The following CACNA1H variants were observed in gnomAD, a reference collection of about 807,000 sequenced individuals.
The protein encoded by CACNA1H is calcium voltage-gated channel subunit alpha1 H.
Under a neutral mutation model 192.5 loss-of-function variants are expected in CACNA1H, and 149 were observed. The ratio of observed to expected loss-of-function variants is 0.77; its 90% confidence interval spans 0.68 to 0.89. The LOEUF is 0.89. Among genes scored for constraint, CACNA1H ranks in the 40% least tolerant of loss-of-function variants. CACNA1H has a pLI of 0.00. For missense variants in CACNA1H, 4,257 were observed against 3,423.5 expected (o/e 1.24, Z -6.08); for synonymous variants, 2,202 against 1,475.2 (o/e 1.49, Z -11.29).
At chr16:1,202,525 A>G (rs963704632) in intron 9 of CACNA1H, 73 bp downstream of exon 9, 12 of 1,315,594 alleles carry the variant, frequency 9.1e-6, no homozygotes, top group East Asian at 2.6e-5. Flanking sequence ...CCGGTGTGTC[A>G]TTCCCACACC....
intron 3 of CACNA1H, 117 bp from the exon 4 acceptor site, chr16:1,195,315 C>CG (rs1220105870): frequency 2.0e-6 from 2 of 1,008,330 alleles, no homozygotes; most frequent in African/African-American, 7.9e-5. Context: ...CAGGGCGGGG[C>CG]AGGGGCGGGG....
rs1406911257 is a variant in CACNA1H, at chr16:1,204,083, A to G, written c.2076A>G (p.Thr692=). The G allele has an allele frequency of 6.2e-7, 1 of 1,608,102 alleles. No individual in the cohort carries two copies. Residue 692 remains threonine (T), a synonymous_variant, in exon 10 of 35, where the codon ACA becomes ACG. Coordinates refer to ENST00000348261, the MANE Select transcript of CACNA1H (RefSeq NM_021098.3). ...CCCTGCCCAGCCCCCCAGCGGGCACACTGACCTGTGAGCTGAAGAGCTGCC... is the reference window on the plus strand; with the variant it reads ...CCCTGCCCAGCCCCCCAGCGGGCACGCTGACCTGTGAGCTGAAGAGCTGCC... ...PCPLPSPPAG[T]LTCELKSCPY... is the part of the protein sequence containing the mutation.
intron 2 of CACNA1H, among the ~76,000 whole-genome samples, chr16:1,176,125 A>G (rs1252345019): frequency 6.6e-6 from 1 of 152,248 alleles, no homozygotes; most frequent in Admixed American, 6.5e-5. Context: ...ATAATGGCTC[A>G]GCTGGGTTCT....
intron 14 of CACNA1H, 143 bp downstream of exon 14, chr16:1,207,573 C>T (rs1335899938): frequency 5.6e-6 from 6 of 1,080,724 alleles, no homozygotes; most frequent in Admixed American, 2.2e-5. Context: ...GAGGGGAGGC[C>T]AGGAGCCCAG....
Position 1,213,964 on chromosome 16 carries a change from G to A in CACNA1H, c.4929+33G>A, listed in dbSNP as rs201688254. ...CGAGGGGGCCGCGAGGGGCCCAGGG[G>A]CTGGGGCACCCCCAGTGGGGCAGCC... On this transcript the variant is annotated intron_variant, in intron 27 of 34. Coordinates refer to ENST00000348261, the MANE Select transcript of CACNA1H (RefSeq NM_021098.3). 8 of 1,577,024 alleles carry A rather than the reference G, an allele frequency of 5.1e-6. No individual in the cohort carries two copies. The African/African-American group carries it at 5.4e-5, about 11-fold the overall frequency.
chr16:1,211,427 G>T, intron 22 of CACNA1H, 54 bp from the exon 23 acceptor site: 1 of 1,610,556 alleles, frequency 6.2e-7, no homozygotes, highest in Non-Finnish European at 8.5e-7. Flanking sequence ...AGGAAGTCCG[G>T]TGTGGGGTGG....
chr16:1,198,882 G>T (rs1967334797), intron 6 of CACNA1H, 108 bp downstream of exon 6: 1 of 1,073,218 alleles, frequency 9.3e-7, no homozygotes, highest in East Asian at 2.6e-5. Flanking sequence ...CCACCGTGCA[G>T]TCACCCGCCC....
At chr16:1,162,035 C>T (rs1431295875) in intron 2 of CACNA1H, among the ~76,000 whole-genome samples, 2 of 152,122 alleles carry the variant, frequency 1.3e-5, no homozygotes, top group African/African-American at 4.8e-5. Flanking sequence ...CGGACCCTGT[C>T]GGGGTCGTGT....
At chr16:1,169,219 A>G (rs966877669) in intron 2 of CACNA1H, among the ~76,000 whole-genome samples, 20 of 149,390 alleles carry the variant, frequency 1.3e-4, no homozygotes, top group African/African-American at 4.4e-4. Context: ...TGGAACGTGG[A>G]CGTGGACGTG....
At chr16:1,160,452 G>A (rs1255616915) in intron 2 of CACNA1H, among the ~76,000 whole-genome samples, 3 of 152,180 alleles carry the variant, frequency 2.0e-5, no homozygotes, top group Non-Finnish European at 4.4e-5. Flanking sequence ...CGGGGCTCGG[G>A]GAAGGAGCTC....
rs1387448449 is a variant in CACNA1H at position 1,205,235 on chromosome 16, A to G, written c.2573A>G (p.Asn858Ser). 10 of 1,610,372 alleles carry G rather than the reference A, an allele frequency of 6.2e-6. No homozygotes were observed. Among genetic ancestry groups the G allele is most frequent in the Non-Finnish European group, 8.5e-6 (10 of 1,177,750 alleles). Residue 858 changes from asparagine (N) to serine (S), a missense_variant, in exon 11 of 35, where the codon AAC (asparagine) becomes AGC (serine). Transcript: ENST00000348261. The part of the protein sequence containing the change: ...GPLGYIRNPY[N>S]IFDGIIVVIS... ...CTGGGCTACATCCGGAACCCGTACA[A>G]CATCTTCGACGGCATCATCGTGGTC...
Position 1,172,023 on chromosome 16 carries a change from T to C in CACNA1H, c.299+17987T>C, listed in dbSNP as rs1181684215. 2.0e-5 allele frequency among the ~76,000 whole-genome samples: 3 copies of C among 152,074 alleles called. 1 individual carries two copies. Among genetic ancestry groups the C allele is most frequent in the Admixed American group, 1.3e-4 (2 of 15,280 alleles). ...CCCGCCAGGTGCTGTGGAGTCCGAG[T>C]GGGTCGGCTCAAGGTCCTGGGGTCC... On this transcript the variant is annotated intron_variant, in intron 2 of 34. Coordinates refer to ENST00000348261, the MANE Select transcript of CACNA1H (RefSeq NM_021098.3).
chr16:1,213,093 C>G (rs1267118169), intron 26 of CACNA1H, among the ~76,000 whole-genome samples: 1 of 152,212 alleles, frequency 6.6e-6, no homozygotes, highest in Non-Finnish European at 1.5e-5. Flanking sequence ...TGCACACCTG[C>G]CTGGGGGACA....
chr16:1,206,861 A>G (rs1353593061), intron 12 of CACNA1H, 140 bp from the exon 13 acceptor site: 4 of 590,622 alleles, frequency 6.8e-6, no homozygotes, highest in Admixed American at 5.3e-5. Flanking sequence ...GCGCCCAGGG[A>G]GGGTAGGAGG....
At position 1,195,453 on chromosome 16, in the gene CACNA1H, G is replaced by A. The variant is rs200483658; in HGVS notation, c.433G>A (p.Ala145Thr). The A allele has an allele frequency of 6.5e-5, 102 of 1,561,096 alleles. No individual in the cohort carries two copies. Among genetic ancestry groups the A allele is most frequent in the Middle Eastern group, 1.7e-4 (1 of 5,966 alleles). Reference sequence around the variant, plus strand: ...GCAGGCCTTTGACGCCTTCATTTTCGCCTTTTTTGCGGTGGAGATGGTCAT... The same window carrying A: ...GCAGGCCTTTGACGCCTTCATTTTCACCTTTTTTGCGGTGGAGATGGTCAT... ...ILEAFDAFIF[A>T]FFAVEMVIKM... The change falls in exon 4 of 35, where the codon GCC (alanine) becomes ACC (threonine). Residue 145 changes from alanine to threonine, a missense_variant. By Grantham distance (58) the Ala-to-Thr change is moderately conservative. Transcript: ENST00000348261.
rs1036972780 is a variant in CACNA1H, at chr16:1,216,970, T to C, written c.5283T>C (p.Phe1761=). The C allele has an allele frequency of 1.4e-5, 22 of 1,604,210 alleles. No individual in the cohort carries two copies. Among genetic ancestry groups the C allele is most frequent in the Non-Finnish European group, 1.8e-5 (21 of 1,175,664 alleles). Reference sequence around the variant, plus strand: ...GCCTTCTTTTCATGCTCCTGTTTTTTATCTATGCTGCGCTGGGAGTGGAGC... The same window carrying C: ...GCCTTCTTTTCATGCTCCTGTTTTTCATCTATGCTGCGCTGGGAGTGGAGC... ...NLGLLFMLLF[F]IYAALGVELF... is the part of the protein sequence containing the mutation. Residue 1761 remains phenylalanine, a synonymous_variant, in exon 31 of 35, where the codon TTT becomes TTC. Coordinates refer to ENST00000348261, the MANE Select transcript of CACNA1H (RefSeq NM_021098.3).
chr16:1,159,358 C>G (rs778012238), intron 2 of CACNA1H, among the ~76,000 whole-genome samples: 1 of 151,154 alleles, frequency 6.6e-6, no homozygotes, highest in Admixed American at 6.6e-5. Context: ...TGGGGTGTGC[C>G]GAGGGAAGAA....
intron 2 of CACNA1H, among the ~76,000 whole-genome samples, chr16:1,187,321 G>T (rs1966171062): frequency 6.6e-6 from 1 of 152,220 alleles, no homozygotes; most frequent in African/African-American, 2.4e-5. Context: ...CCAGGGGTGG[G>T]TACAGAGAGG....
chr16:1,188,712 C>T (rs1966306035), intron 2 of CACNA1H, among the ~76,000 whole-genome samples: 2 of 152,188 alleles, frequency 1.3e-5, no homozygotes, highest in South Asian at 4.1e-4. Flanking sequence ...CCTCGACTAC[C>T]CCCAGATGAG....
Sources: gnomAD v4.1 joint callset for allele counts (sites outside exome capture counted in the v4.1 genomes callset) on GRCh38, gnomAD v4.1.1 for gene constraint, MANE v1.5 for transcripts, NCBI Gene and HGNC (gene_info 2026-07-23, HGNC 2026-07-21) for gene names.